CDHR2: variants seen among roughly 807,000 people sequenced by gnomAD.
CDHR2 encodes cadherin-related family member 2.
A neutral mutation model predicts 138.6 loss-of-function variants in CDHR2; 104 were observed. The observed-to-expected ratio is 0.75, with a 90% CI of 0.64 to 0.88. The LOEUF is 0.88. CDHR2 is among the 40% of genes least tolerant of loss of function. The pLI is 0.00. For missense variants in CDHR2, 1,624 were observed against 1,727.6 expected, an observed-to-expected ratio of 0.94 and a Z score of 1.06; for synonymous variants, 755 against 742.8, an observed-to-expected ratio of 1.02 and a Z score of -0.27.
At chr5:176,555,688 C>T (rs1040393593) in intron 1 of CDHR2, among the ~76,000 whole-genome samples, 1 of 152,112 alleles carries the variant, frequency 6.6e-6, no homozygotes, top group Non-Finnish European at 1.5e-5. Context: ...GGGTGGATCA[C>T]CTGAGGTCAG....
intron 2 of CDHR2, 107 bp downstream of exon 2, chr5:176,565,511 C>A: frequency 1.5e-6 from 2 of 1,312,648 alleles, no homozygotes; most frequent in Non-Finnish European, 1.1e-6. Flanking sequence ...CTCCTATGGG[C>A]CAGCCCTGTG....
At position 176,591,183 on chromosome 5, in the gene CDHR2, T is replaced by C. The variant is rs771918838; in HGVS notation, c.3540-27T>C. ...GGACACAACAGGTGTGCAGCAACAG[T>C]GTGACCCCTCTTCCGGTTCCCCACA... On this transcript the variant is annotated intron_variant, in intron 28 of 31. Transcript: ENST00000261944. 2.0e-6 allele frequency: 3 copies of C among 1,502,622 alleles called. No individual in the cohort carries two copies. In the East Asian group the frequency reaches 6.8e-5, roughly 34 times the overall value. The allele number at this position is 1,502,622 out of a possible 1,614,324, so 93.1% of individuals were successfully genotyped here.
At chr5:176,546,145 A>G (rs965949973), upstream of CDHR2, among the ~76,000 whole-genome samples, 7 of 152,272 alleles carry the variant, frequency 4.6e-5, no homozygotes, top group African/African-American at 1.7e-4. Context: ...CTTACTGGTT[A>G]AGCCACCAGC....
chr5:176,577,290 T>C lies in CDHR2; in HGVS notation c.1195-109T>C, dbSNP rs922876422. The C allele has an allele frequency of 6.6e-5, 80 of 1,214,902 alleles. No individual in the cohort carries two copies. The African/African-American group carries it at 1.0e-3, about 15-fold the overall frequency. The allele number at this position is 1,214,902 out of a possible 1,614,324, so 75.3% of individuals were successfully genotyped here. On this transcript the variant is annotated intron_variant, in intron 12 of 31. Coordinates refer to ENST00000261944, the MANE Select transcript of CDHR2 (RefSeq NM_017675.6). ...GCAGTCTTTTGAGAGCCCCCTTCCA[T>C]GGGACCTCATCGGGCGGGGCATCCA...
intron 1 of CDHR2, among the ~76,000 whole-genome samples, chr5:176,544,061 G>C (rs1581123798): frequency 6.6e-6 from 1 of 152,402 alleles, no homozygotes; most frequent in Non-Finnish European, 1.5e-5. Context: ...CGCTCTGGCT[G>C]GCATGCAGGT....
At position 176,588,414 on chromosome 5, in the gene CDHR2, GGTGTGA is replaced by G. The variant is rs930257223; in HGVS notation, c.2857-611_2857-606del. Among the ~76,000 whole-genome samples the G allele has an allele frequency of 2.6e-4, 33 of 128,184 alleles. 1 individual carries two copies. Among genetic ancestry groups the G allele is most frequent in the African/African-American group, 7.3e-4 (27 of 37,118 alleles). 84.1% of individuals were successfully genotyped at this position (128,184 alleles called of 152,430 possible). On this transcript the variant is annotated intron_variant, in intron 21 of 31. Coordinates refer to ENST00000261944, the MANE Select transcript of CDHR2 (RefSeq NM_017675.6). ...TGTGGTGAGTGCATGAGAGAGTGAG[GGTGTGA>G]GTGTGTGTGTCAGGATAAGTGTGTG...
chr5:176,560,148 G>A (rs1046464138), intron 1 of CDHR2, among the ~76,000 whole-genome samples: 1 of 152,226 alleles, frequency 6.6e-6, no homozygotes. Flanking sequence ...TGTAATCCCA[G>A]CAATTTGGGA....
chr5:176,574,457 C>T (rs775737892), intron 7 of CDHR2, among the ~76,000 whole-genome samples: 1 of 152,216 alleles, frequency 6.6e-6, no homozygotes, highest in Non-Finnish European at 1.5e-5. Context: ...ACCCATTTCT[C>T]ATGGAAACAG....
chr5:176,588,906 G>A (rs768085053), intron 21 of CDHR2, 125 bp from the exon 22 acceptor site: 184 of 928,372 alleles, frequency 2.0e-4, no homozygotes, highest in Non-Finnish European at 2.9e-4. Context: ...TCGGGGCAGC[G>A]TGGGGATGGC....
At position 176,565,416 on chromosome 5, in the gene CDHR2, C is replaced by T. The variant is rs966362075; in HGVS notation, c.52+12C>T. The T allele has an allele frequency of 6.2e-7, 1 of 1,613,216 alleles. No individual in the cohort carries two copies. The highest frequency in any genetic ancestry group is 8.5e-7 in the Non-Finnish European group (1 of 1,179,206). Reference sequence around the variant, plus strand: ...CCTCGTGGTGTCTGGTAGGTGTCTCCCCTCCCCAGCCACGCAGCCCTAACC... The same window carrying T: ...CCTCGTGGTGTCTGGTAGGTGTCTCTCCTCCCCAGCCACGCAGCCCTAACC... On this transcript the variant is annotated intron_variant, in intron 2 of 31. Transcript: ENST00000261944.
chr5:176,585,927 C>A, intron 19 of CDHR2, 27 bp from the exon 20 acceptor site: 2 of 1,594,626 alleles, frequency 1.3e-6, no homozygotes, highest in Non-Finnish European at 1.7e-6. Context: ...TTGCCCAGAG[C>A]CAAAGCCAGC....
At chr5:176,549,912 T>G (rs1421481144) in intron 1 of CDHR2, among the ~76,000 whole-genome samples, 1 of 152,168 alleles carries the variant, frequency 6.6e-6, no homozygotes, top group Non-Finnish European at 1.5e-5. Context: ...TGAAAAGCCC[T>G]GAGGCAAAGG....
upstream of CDHR2, among the ~76,000 whole-genome samples, chr5:176,545,652 T>C (rs1017540873): frequency 6.6e-6 from 1 of 152,160 alleles, no homozygotes; most frequent in Non-Finnish European, 1.5e-5. Flanking sequence ...AGGACACCAA[T>C]AGTGTGGGAG....
intron 1 of CDHR2, among the ~76,000 whole-genome samples, chr5:176,562,051 G>A (rs1022102913): frequency 8.5e-5 from 13 of 152,176 alleles, no homozygotes; most frequent in Admixed American, 2.0e-4. Flanking sequence ...GTCTGTGGGC[G>A]TGCGGGAGAT....
In CDHR2 at chr5:176,553,322, G is replaced by A. The variant is rs114956915; in HGVS notation, c.-16+3908G>A. Among the ~76,000 whole-genome samples the A allele has an allele frequency of 4.8e-3, 729 of 152,284 alleles. 8 individuals are homozygous for A. The highest frequency in any genetic ancestry group is 0.017 in the African/African-American group (692 of 41,566). On this transcript the variant is annotated intron_variant, in intron 1 of 31. Coordinates refer to ENST00000261944, the MANE Select transcript of CDHR2 (RefSeq NM_017675.6). This position sits in a 1 kb window ranked among gnomAD's most constrained non-coding sequence, Gnocchi z 4.3. Reference sequence around the variant, plus strand: ...GCGCCCTTTCCCCTCTTGGACGTCAGTTTGCTGAGGACTAAATGGTAATGG... The same window carrying A: ...GCGCCCTTTCCCCTCTTGGACGTCAATTTGCTGAGGACTAAATGGTAATGG...
Position 176,590,343 on chromosome 5 carries a change from G to A in CDHR2, c.3353+13G>A, listed in dbSNP as rs1561882238. The A allele has an allele frequency of 1.2e-6, 2 of 1,614,170 alleles. No individual in the cohort carries two copies. Among genetic ancestry groups the A allele is most frequent in the Non-Finnish European group, 1.7e-6 (2 of 1,180,018 alleles). On this transcript the variant is annotated intron_variant, in intron 26 of 31. Coordinates refer to ENST00000261944, the MANE Select transcript of CDHR2 (RefSeq NM_017675.6). ...ATGAGCTGAGTGTGTGAGTGGGGCT[G>A]CCCTTGGGGCAGGTGTGAGGGTGAG...
At chr5:176,547,034 A>G (rs189266424), upstream of CDHR2, among the ~76,000 whole-genome samples, 715 of 149,988 alleles carry the variant, frequency 4.8e-3, 7 homozygotes, top group African/African-American at 0.017. Context: ...GCTAGAGTGC[A>G]GTGGGACAAT....
chr5:176,551,637 T>A (rs1166053395), intron 1 of CDHR2, among the ~76,000 whole-genome samples: 1 of 150,888 alleles, frequency 6.6e-6, no homozygotes, highest in Non-Finnish European at 1.5e-5. Flanking sequence ...CTGTGTTTGC[T>A]CCTTTAAAAA....
chr5:176,551,619 G>A (rs544514759), intron 1 of CDHR2, among the ~76,000 whole-genome samples: 113 of 151,900 alleles, frequency 7.4e-4, no homozygotes, highest in African/African-American at 2.6e-3. Flanking sequence ...GCCTCCCAAA[G>A]TGCTGGACTG....
Sources: allele counts gnomAD v4.1 joint callset (sites outside exome capture counted in the v4.1 genomes callset), GRCh38; gene constraint gnomAD v4.1.1; non-coding constraint Gnocchi (gnomAD v3.1); transcripts MANE v1.5; gene names NCBI Gene and HGNC (gene_info 2026-07-23, HGNC 2026-07-21).